The following LMBRD1 variants were observed in gnomAD, a reference collection of about 807,000 sequenced individuals.
LMBRD1 encodes lysosomal cobalamin transport escort protein LMBD1.
A neutral mutation model predicts 74.8 loss-of-function variants in LMBRD1; 64 were observed. The observed-to-expected ratio is 0.86, with a 90% CI of 0.70 to 1.05. The LOEUF (loss-of-function observed/expected upper bound fraction) is 1.05, where lower values mean the gene tolerates loss of function less well. Ranked by LOEUF, LMBRD1 falls within the 50% of genes least tolerant of loss-of-function variation. The probability of loss-of-function intolerance (pLI) is 0.00; values close to 1 mark genes in which losing one functional copy is unlikely to be tolerated. For synonymous variants in LMBRD1, 204 were observed against 216.3 expected (o/e 0.94, Z 0.50); for missense variants, 652 against 645.9 (o/e 1.01, Z -0.10).
intron 9 of LMBRD1, chr6:69,705,655 CATT>C (rs1766236689): frequency 1.1e-6 from 1 of 877,804 alleles, no homozygotes; most frequent in Non-Finnish European, 1.9e-6. Flanking sequence ...CCATCTTCAT[CATT>C]ATCATCATCA....
chr6:69,759,518 C>A (rs1445717921), intron 3 of LMBRD1, among the ~76,000 whole-genome samples: 1 of 151,312 alleles, frequency 6.6e-6, no homozygotes, highest in East Asian at 1.9e-4. Flanking sequence ...GCTAGGAATG[C>A]AAAATTAGTT....
intron 2 of LMBRD1, among the ~76,000 whole-genome samples, chr6:69,786,461 T>C (rs1765949570): frequency 6.6e-6 from 1 of 151,158 alleles, no homozygotes; most frequent in African/African-American, 2.4e-5. Flanking sequence ...AAAGAAAGAA[T>C]ATTTATTCAT....
chr6:69,702,045 T>G (rs1355943105), intron 9 of LMBRD1, 92 bp from the exon 10 acceptor site: 2 of 774,438 alleles, frequency 2.6e-6, no homozygotes, highest in Non-Finnish European at 4.5e-6. Flanking sequence ...TGCTAGAATA[T>G]GACAATGATC....
intron 1 of LMBRD1, among the ~76,000 whole-genome samples, chr6:69,791,417 G>A (rs1324678326): frequency 6.6e-6 from 1 of 152,056 alleles, no homozygotes; most frequent in Non-Finnish European, 1.5e-5. Context: ...GAATCACCTG[G>A]GTAACTTTTA....
At chr6:69,735,690 T>C (rs1480940308) in intron 7 of LMBRD1, among the ~76,000 whole-genome samples, 1 of 152,204 alleles carries the variant, frequency 6.6e-6, no homozygotes, top group Non-Finnish European at 1.5e-5. Context: ...TCCCACTCGC[T>C]ACCCTCATAG....
rs1404880441 is a variant in LMBRD1, at chr6:69,674,873, T to C, written c.*1285A>G. On this transcript the variant is annotated 3_prime_UTR_variant, in exon 16 of 16. Transcript: ENST00000649934. ...CTGTAATCCCAGCTACTCAGGAGGC[T>C]GAGGCAGGAGAATTGCTTGAATGCA... Among the ~76,000 whole-genome samples the C allele has an allele frequency of 6.6e-6, 1 of 152,076 alleles. No homozygotes were observed. Among genetic ancestry groups the C allele is most frequent in the Non-Finnish European group, 1.5e-5 (1 of 68,014 alleles).
intron 3 of LMBRD1, among the ~76,000 whole-genome samples, chr6:69,759,637 A>G (rs577100805): frequency 4.6e-5 from 7 of 152,274 alleles, no homozygotes; most frequent in Admixed American, 1.3e-4. Flanking sequence ...ATCTTAATAG[A>G]TACAGAAAAG....
chr6:69,732,960 AT>A (rs756547388), intron 7 of LMBRD1, among the ~76,000 whole-genome samples: 35 of 152,214 alleles, frequency 2.3e-4, no homozygotes, highest in Non-Finnish European at 4.7e-4. Flanking sequence ...GCAAACTAAT[AT>A]GCTGTTTGAC....
At chr6:69,770,560 A>G (rs1765557064) in intron 3 of LMBRD1, among the ~76,000 whole-genome samples, 1 of 152,232 alleles carries the variant, frequency 6.6e-6, no homozygotes, top group Non-Finnish European at 1.5e-5. Flanking sequence ...ACAACACGGA[A>G]GTACACATTA....
chr6:69,770,738 G>A (rs1329110809), intron 3 of LMBRD1, among the ~76,000 whole-genome samples: 1 of 152,092 alleles, frequency 6.6e-6, no homozygotes, highest in African/African-American at 2.4e-5. Context: ...TCCTGCCCTA[G>A]CACAGTATAA....
chr6:69,703,076 C>T (rs1359565697), intron 9 of LMBRD1, among the ~76,000 whole-genome samples: 1 of 151,976 alleles, frequency 6.6e-6, no homozygotes, highest in Non-Finnish European at 1.5e-5. Flanking sequence ...ATAGTCATCT[C>T]TTGAAAAGAG....
chr6:69,700,840 T>A lies in LMBRD1; in HGVS notation c.1113A>T (p.Thr371=). ...TAAAAATAAAGTACATAATAATAAT[T>A]GTTATAAGAATATAATCAAGAGGGA... The part of the protein sequence containing the change: ...TVFPLDYILI[T]IIIMYFIFTS... The change falls in exon 12 of 16, where the codon ACA becomes ACT. Residue 371 remains threonine (T), a synonymous_variant. Coordinates refer to ENST00000649934, the MANE Select transcript of LMBRD1 (RefSeq NM_018368.4). 1 of 1,451,612 alleles carries A rather than the reference T, an allele frequency of 6.9e-7. No homozygotes were observed. The allele number at this position is 1,451,612 out of a possible 1,614,324, so 89.9% of individuals were successfully genotyped here. A position where few individuals can be genotyped will look rare whatever the true frequency, so the allele number is the denominator to read the frequency against.
At chr6:69,792,647 T>C (rs750493490) in intron 1 of LMBRD1, among the ~76,000 whole-genome samples, 2 of 152,338 alleles carry the variant, frequency 1.3e-5, no homozygotes, top group African/African-American at 2.4e-5. Context: ...GTATTAATAT[T>C]TGAATGAGCT....
At chr6:69,738,077 C>T in intron 6 of LMBRD1, 62 bp from the exon 7 acceptor site, 3 of 1,200,498 alleles carry the variant, frequency 2.5e-6, no homozygotes, top group Non-Finnish European at 3.7e-6. Flanking sequence ...TTATATTTAG[C>T]AAATCAACAT....
At chr6:69,793,477 T>C (rs1438380425) in intron 1 of LMBRD1, among the ~76,000 whole-genome samples, 1 of 152,154 alleles carries the variant, frequency 6.6e-6, no homozygotes, top group Non-Finnish European at 1.5e-5. Flanking sequence ...AAGAATAAAT[T>C]TGCTTTACAA....
chr6:69,696,298 T>G (rs1341347975), intron 14 of LMBRD1, among the ~76,000 whole-genome samples: 3 of 152,182 alleles, frequency 2.0e-5, no homozygotes, highest in Non-Finnish European at 2.9e-5. Context: ...CTCTCTTGGA[T>G]TATTTTAGAT....
At chr6:69,752,406 A>G in intron 3 of LMBRD1, 50 bp from the exon 4 acceptor site, 1 of 1,379,478 alleles carries the variant, frequency 7.2e-7, no homozygotes, top group Non-Finnish European at 1.0e-6. Flanking sequence ...TATGTACTTA[A>G]TCATGGTTAT....
At chr6:69,683,460 T>C (rs1371124066) in intron 14 of LMBRD1, among the ~76,000 whole-genome samples, 1 of 152,186 alleles carries the variant, frequency 6.6e-6, no homozygotes, top group African/African-American at 2.4e-5. Flanking sequence ...GGCTGTTCTC[T>C]GTTCAGTCAT....
At chr6:69,763,209 G>T (rs1011004190) in intron 3 of LMBRD1, among the ~76,000 whole-genome samples, 2 of 146,204 alleles carry the variant, frequency 1.4e-5, no homozygotes, top group Non-Finnish European at 3.0e-5. Flanking sequence ...GATTCCTCCT[G>T]ACTGCTTAGA....
Sources: allele counts gnomAD v4.1 joint callset (sites outside exome capture counted in the v4.1 genomes callset), GRCh38; gene constraint gnomAD v4.1.1; transcripts MANE v1.5; gene names NCBI Gene and HGNC (gene_info 2026-07-23, HGNC 2026-07-21).